Variants in ATAD2 observed in about 807,000 individuals in gnomAD.
The protein encoded by ATAD2 is ATPase family AAA domain containing 2.
In ATAD2, 62 loss-of-function variants were observed where a neutral mutation model predicts 168.9. The ratio of observed to expected loss-of-function variants is 0.37; its 90% CI spans 0.30 to 0.45. The LOEUF (loss-of-function observed/expected upper bound fraction) is 0.45. ATAD2 is among the 20% of genes least tolerant of loss of function. ATAD2 has a pLI of 1.00. For synonymous variants in ATAD2, 613 were observed against 571.6 expected (o/e 1.07, Z -1.03); for missense variants, 1,419 against 1,667.8 (o/e 0.85, Z 2.60).
chr8:123,340,246 G>C (rs185644682), intron 19 of ATAD2, among the ~76,000 whole-genome samples: 2 of 152,106 alleles, frequency 1.3e-5, no homozygotes, highest in African/African-American at 4.8e-5. Flanking sequence ...CCCCAAATGA[G>C]ATATAAGAAA....
chr8:123,319,855 GA>G lies in ATAD2; in HGVS notation c.*1278del, dbSNP rs1256141789. ...ACTTAAGAAATAGAAACAAATTTAA[GA>G]GAGTTTTCACCTTTAAAATTTATTA... On this transcript the variant is annotated 3_prime_UTR_variant, in exon 28 of 28. Transcript: ENST00000287394. 2 of 152,104 alleles carry G rather than the reference GA, an allele frequency of 1.3e-5. No homozygotes were observed. Among genetic ancestry groups the G allele is most frequent in the Non-Finnish European group, 2.9e-5 (2 of 68,002 alleles). 9.4% of individuals were successfully genotyped at this position (152,104 alleles called of 1,614,324 possible). A position where few individuals can be genotyped will look rare whatever the true frequency, so the allele number is the denominator to read the frequency against.
At chr8:123,401,112 G>C, upstream of ATAD2, 7 of 1,410,578 alleles carry the variant, frequency 5.0e-6, 1 homozygote, top group South Asian at 8.0e-5. Context: ...GTGAGGTGAT[G>C]ATGCCAAGGA....
chr8:123,378,701 CAAAAAAAA>C (rs71808201), intron 2 of ATAD2, among the ~76,000 whole-genome samples: 3 of 73,044 alleles, frequency 4.1e-5, no homozygotes, highest in African/African-American at 1.2e-4. Flanking sequence ...GACTGTGTCT[CAAAAAAAA>C]AAAAAAAAAA....
chr8:123,325,854 A>T, intron 26 of ATAD2, 39 bp downstream of exon 26: 3 of 1,605,230 alleles, frequency 1.9e-6, no homozygotes, highest in Non-Finnish European at 2.6e-6. Context: ...GGGATTAGTA[A>T]TCTGCAGAGT....
At chr8:123,373,094 A>G (rs896277971) in intron 2 of ATAD2, among the ~76,000 whole-genome samples, 4 of 151,572 alleles carry the variant, frequency 2.6e-5, no homozygotes, top group African/African-American at 9.7e-5. Flanking sequence ...AGGTTTCACC[A>G]TGTTAGCCAG....
chr8:123,382,733 A>G (rs1392732837), intron 1 of ATAD2, among the ~76,000 whole-genome samples: 1 of 152,204 alleles, frequency 6.6e-6, no homozygotes, highest in East Asian at 1.9e-4. Context: ...AATAGGCACA[A>G]TTTTACACAG....
chr8:123,366,978 C>A (rs1464312680), intron 8 of ATAD2, among the ~76,000 whole-genome samples: 1 of 151,558 alleles, frequency 6.6e-6, no homozygotes, highest in South Asian at 2.1e-4. Context: ...ATTTGAAAAA[C>A]AAAAACCAAA....
In ATAD2 at chr8:123,349,934, C is replaced by T. The variant is rs538760272; in HGVS notation, c.1647-490G>A. On this transcript the variant is annotated intron_variant, in intron 13 of 27. Coordinates refer to ENST00000287394, the MANE Select transcript of ATAD2 (RefSeq NM_014109.4). ...ATGACCTGTGCCTGTAGTCCTACTA[C>T]TTGGGAAGCTGAGGTTGTACGTAGT... is the stretch of plus-strand genomic sequence containing the variant. 6.0e-5 allele frequency among the ~76,000 whole-genome samples: 9 copies of T among 150,642 alleles called. No individual in the cohort carries two copies. The South Asian group carries it at 1.9e-3, about 32-fold the overall frequency.
intron 1 of ATAD2, chr8:123,381,024 T>C (rs1829479970): frequency 5.5e-6 from 1 of 182,200 alleles, no homozygotes. Flanking sequence ...TTTAAGGCTA[T>C]AGAAGTTAGA....
At chr8:123,415,494 C>A (rs1415621086) in intron 1 of ATAD2, among the ~76,000 whole-genome samples, 2 of 152,206 alleles carry the variant, frequency 1.3e-5, no homozygotes, top group Non-Finnish European at 2.9e-5. Flanking sequence ...GATTAGCTAG[C>A]TATGCTCATT....
At chr8:123,400,775 C>T (rs765548891), upstream of ATAD2, 12 of 829,358 alleles carry the variant, frequency 1.4e-5, no homozygotes, top group Admixed American at 6.8e-5. This position sits in a 1 kb window ranked among gnomAD's most constrained non-coding sequence, Gnocchi z 4.5. Flanking sequence ...CCGCTGATCT[C>T]CTCCTCCATG....
chr8:123,365,310 C>T (rs375977726), intron 8 of ATAD2, among the ~76,000 whole-genome samples: 5 of 152,160 alleles, frequency 3.3e-5, no homozygotes, highest in African/African-American at 1.2e-4. Flanking sequence ...ACATCCCATG[C>T]TCATGGATGG....
rs2130021144 is a variant in ATAD2, at chr8:123,402,439, C to T, written c.-2281-1264G>A. The stretch of plus-strand genomic sequence containing the variant: ...GGCAGGCAGCCCCTCCTGGCTTCTC[C>T]TGTAGGGCACTTCCCTGCCCCCAGT... On this transcript the variant is annotated intron_variant, in intron 1 of 28. Coordinates refer to the ATAD2 transcript ENST00000521903. The surrounding 1 kb of genome is among the most constrained non-coding windows in gnomAD (Gnocchi z 4.8). Among the ~76,000 whole-genome samples the T allele has an allele frequency of 6.6e-6, 1 of 152,274 alleles. No homozygotes were observed. The highest frequency in any genetic ancestry group is 2.1e-4 in the South Asian group (1 of 4,830).
At chr8:123,409,030 G>A (rs1813111759) in intron 1 of ATAD2, among the ~76,000 whole-genome samples, 1 of 150,794 alleles carries the variant, frequency 6.6e-6, no homozygotes, top group South Asian at 2.1e-4. Flanking sequence ...GTTTTGCTGT[G>A]TTGGCCAGAC....
Position 123,369,053 on chromosome 8 carries a change from C to A in ATAD2, c.1049+5G>T. The A allele has an allele frequency of 6.5e-7, 1 of 1,534,214 alleles. No individual in the cohort carries two copies. The highest frequency in any genetic ancestry group is 8.9e-7 in the Non-Finnish European group (1 of 1,118,256). On this transcript the variant is annotated splice_donor_5th_base_variant and intron_variant, in intron 8 of 27. Transcript: ENST00000287394. ...CATAAATCAATCACTATATCAGAACCAAACCTGTTCATTCGTTTACAGTAA... is the reference window on the plus strand; with the variant it reads ...CATAAATCAATCACTATATCAGAACAAAACCTGTTCATTCGTTTACAGTAA...
chr8:123,332,529 T>G (rs1165078292), intron 24 of ATAD2, among the ~76,000 whole-genome samples: 1 of 152,240 alleles, frequency 6.6e-6, no homozygotes, highest in Admixed American at 6.5e-5. Flanking sequence ...ATTTTAAAAT[T>G]TATTTCACAT....
intron 2 of ATAD2, among the ~76,000 whole-genome samples, chr8:123,379,887 ATTAT>A (rs1250395803): frequency 7.8e-6 from 1 of 127,546 alleles, no homozygotes; most frequent in Non-Finnish European, 1.7e-5. Flanking sequence ...TATTATTATT[ATTAT>A]TTTTTTTTTT....
At position 123,396,423 on chromosome 8, in the gene ATAD2, C is replaced by G. The variant is rs1812836020; in HGVS notation, c.-66G>C. Reference sequence around the variant, plus strand: ...GATCCAGCTCCAGGCGCTCGCAGCTCTGGCTCTTCCGCGCTCCGAATTCTG... The same window carrying G: ...GATCCAGCTCCAGGCGCTCGCAGCTGTGGCTCTTCCGCGCTCCGAATTCTG... On this transcript the variant is annotated 5_prime_UTR_variant, in exon 1 of 28. Coordinates refer to ENST00000287394, the MANE Select transcript of ATAD2 (RefSeq NM_014109.4). 5 of 1,424,282 alleles carry G rather than the reference C, an allele frequency of 3.5e-6. No individual in the cohort carries two copies. The highest frequency in any genetic ancestry group is 3.7e-6 in the Non-Finnish European group (4 of 1,087,820). 88.2% of individuals were successfully genotyped at this position (1,424,282 alleles called of 1,614,324 possible).
intron 1 of ATAD2, among the ~76,000 whole-genome samples, chr8:123,412,217 G>A (rs1050472205): frequency 3.3e-5 from 5 of 152,136 alleles, no homozygotes; most frequent in African/African-American, 1.2e-4. Context: ...ATCAGCTCTA[G>A]AATGTATATG....
Sources: gnomAD v4.1 joint callset for allele counts (sites outside exome capture counted in the v4.1 genomes callset) on GRCh38, gnomAD v4.1.1 for gene constraint, Gnocchi (gnomAD v3.1) non-coding constraint, MANE v1.5 for transcripts, NCBI Gene and HGNC (gene_info 2026-07-23, HGNC 2026-07-21) for gene names.